Variants in LARS2 observed in about 807,000 individuals in gnomAD.
LARS2 encodes the protein leucyl-tRNA synthetase 2, mitochondrial, also known as leucine--tRNA ligase, mitochondrial.
In LARS2, 81 loss-of-function variants were observed where a neutral mutation model predicts 116.6. The ratio of observed to expected loss-of-function variants is 0.69; its 90% CI spans 0.58 to 0.84. The LOEUF is 0.84. Among genes scored for constraint, LARS2 ranks in the 40% least tolerant of loss-of-function variants. The pLI is 0.00. For missense variants in LARS2, 968 were observed against 1,114.5 expected (o/e 0.87, Z 1.87); for synonymous variants, 396 against 407.2 (o/e 0.97, Z 0.33).
intron 15 of LARS2, 102 bp downstream of exon 15, chr3:45,500,681 A>G: frequency 2.3e-6 from 2 of 852,482 alleles, no homozygotes; most frequent in Non-Finnish European, 1.8e-6. Context: ...GTAGTAGAAT[A>G]CTAGTTTTCT....
intron 10 of LARS2, among the ~76,000 whole-genome samples, chr3:45,483,270 T>C (rs1420299426): frequency 1.3e-5 from 2 of 152,240 alleles, no homozygotes; most frequent in African/African-American, 4.8e-5. Context: ...GTGACTTTTA[T>C]TCTATAACCC....
At chr3:45,425,173 A>G (rs1318339640) in intron 6 of LARS2, among the ~76,000 whole-genome samples, 1 of 151,982 alleles carries the variant, frequency 6.6e-6, no homozygotes, top group African/African-American at 2.4e-5. Context: ...ATACTAGGAG[A>G]TGCCCTTGAA....
intron 13 of LARS2, among the ~76,000 whole-genome samples, chr3:45,493,531 CCT>C (rs1699960437): frequency 1.3e-5 from 2 of 152,118 alleles, no homozygotes; most frequent in South Asian, 4.1e-4. Context: ...AACTACAAGA[CCT>C]TGGACAAGGT....
intron 4 of LARS2, among the ~76,000 whole-genome samples, chr3:45,413,123 T>A (rs1288316327): frequency 6.6e-6 from 1 of 152,210 alleles, no homozygotes. Context: ...GGTAAGAACT[T>A]CCAATGCCTA....
chr3:45,491,272 G>A (rs1442075713), intron 12 of LARS2, among the ~76,000 whole-genome samples: 1 of 152,210 alleles, frequency 6.6e-6, no homozygotes, highest in South Asian at 2.1e-4. Context: ...TGAACTTTTA[G>A]GGTCAAAAGT....
intron 3 of LARS2, among the ~76,000 whole-genome samples, chr3:45,396,511 TGACG>T (rs1219524156): frequency 6.6e-6 from 1 of 152,242 alleles, no homozygotes; most frequent in Non-Finnish European, 1.5e-5. Context: ...CCTGAGACTA[TGACG>T]GAATGCTCAT....
At position 45,495,717 on chromosome 3, in the gene LARS2, C is replaced by T. The variant is rs145535919; in HGVS notation, c.1524-558C>T. Among the ~76,000 whole-genome samples the T allele has an allele frequency of 6.6e-4, 100 of 152,264 alleles. No homozygotes were observed. The East Asian group carries it at 0.014, about 22-fold the overall frequency. ...CCTTTTGGATGGTGAGGCTTTCTAC[C>T]AGGTTAAATTCAGAGAAGTGGAAAA... is the stretch of plus-strand genomic sequence containing the variant. On this transcript the variant is annotated intron_variant, in intron 13 of 21. Coordinates refer to ENST00000645846, the MANE Select transcript of LARS2 (RefSeq NM_015340.4).
chr3:45,493,072 G>C (rs1699950909), intron 13 of LARS2, among the ~76,000 whole-genome samples: 1 of 152,046 alleles, frequency 6.6e-6, no homozygotes, highest in Non-Finnish European at 1.5e-5. Flanking sequence ...GCAGAACCTA[G>C]GCCTTGGTGT....
intron 20 of LARS2, among the ~76,000 whole-genome samples, chr3:45,531,746 T>C (rs1700619386): frequency 1.3e-5 from 2 of 152,224 alleles, no homozygotes; most frequent in African/African-American, 2.4e-5. Flanking sequence ...TACAATGTGT[T>C]GTTTTGATAT....
At chr3:45,534,604 C>A (rs1051705790) in intron 20 of LARS2, among the ~76,000 whole-genome samples, 1 of 152,170 alleles carries the variant, frequency 6.6e-6, no homozygotes, top group Non-Finnish European at 1.5e-5. Context: ...TCCTAGAGTT[C>A]CCCTGAGAGG....
chr3:45,471,040 T>TAAAAAA (rs55749404), intron 8 of LARS2, among the ~76,000 whole-genome samples: 5 of 43,812 alleles, frequency 1.1e-4, no homozygotes, highest in Admixed American at 2.9e-4. Context: ...ATTACAACAC[T>TAAAAAA]AAAAAAAAAA....
At chr3:45,402,863 T>G (rs900874615) in intron 4 of LARS2, among the ~76,000 whole-genome samples, 1 of 151,650 alleles carries the variant, frequency 6.6e-6, no homozygotes, top group Non-Finnish European at 1.5e-5. Context: ...CCCAGCACTT[T>G]GGGAGGCCGA....
At chr3:45,390,919 C>T (rs529259405) in intron 1 of LARS2, among the ~76,000 whole-genome samples, 3 of 152,178 alleles carry the variant, frequency 2.0e-5, no homozygotes, top group Admixed American at 6.5e-5. Flanking sequence ...GGATTACAGG[C>T]GTGAGCCACC....
At chr3:45,509,011 A>G (rs1200036510) in intron 15 of LARS2, among the ~76,000 whole-genome samples, 1 of 152,036 alleles carries the variant, frequency 6.6e-6, no homozygotes, top group African/African-American at 2.4e-5. Flanking sequence ...GAAATTGTGA[A>G]GATCTCCCCC....
At chr3:45,502,991 A>G (rs1276117559) in intron 15 of LARS2, among the ~76,000 whole-genome samples, 1 of 151,720 alleles carries the variant, frequency 6.6e-6, no homozygotes, top group Non-Finnish European at 1.5e-5. Context: ...CTCACTCATG[A>G]TGCCTAGTTC....
chr3:45,462,169 C>T (rs1699336702), intron 8 of LARS2, among the ~76,000 whole-genome samples: 1 of 152,128 alleles, frequency 6.6e-6, no homozygotes, highest in South Asian at 2.1e-4. Flanking sequence ...AACAGGCTGC[C>T]AAGACTGAAC....
At chr3:45,408,826 A>G (rs189698563) in intron 4 of LARS2, among the ~76,000 whole-genome samples, 5 of 152,316 alleles carry the variant, frequency 3.3e-5, no homozygotes, top group Admixed American at 2.6e-4. Flanking sequence ...CTTTAAACAT[A>G]TAGAGTATTA....
chr3:45,465,663 AG>A (rs1020012265), intron 8 of LARS2, among the ~76,000 whole-genome samples: 25 of 152,222 alleles, frequency 1.6e-4, no homozygotes, highest in Admixed American at 1.1e-3. Flanking sequence ...AAGGTCCTCC[AG>A]GGGTTGGTAC....
intron 4 of LARS2, among the ~76,000 whole-genome samples, chr3:45,415,278 T>C (rs753396624): frequency 8.5e-5 from 13 of 152,202 alleles, no homozygotes; most frequent in South Asian, 2.1e-4. Context: ...CCTTGTTCTT[T>C]GGAGAATGAA....
Sources: allele counts gnomAD v4.1 joint callset (sites outside exome capture counted in the v4.1 genomes callset), GRCh38; gene constraint gnomAD v4.1.1; transcripts MANE v1.5; gene names NCBI Gene and HGNC (gene_info 2026-07-23, HGNC 2026-07-21).